Variants in ITGA4 observed in about 807,000 individuals in gnomAD.
ITGA4 encodes the protein integrin alpha-4.
In ITGA4, 63 loss-of-function variants were observed where a neutral mutation model predicts 133.6. The observed-to-expected ratio is 0.47, with a 90% CI of 0.38 to 0.58. The LOEUF (loss-of-function observed/expected upper bound fraction) is 0.58, where lower values mean the gene tolerates loss of function less well. ITGA4 is among the 20% of genes least tolerant of loss of function. The pLI, the probability that ITGA4 is intolerant of heterozygous loss-of-function variation, is 0.00. For missense variants in ITGA4, 1,076 were observed against 1,252.7 expected (o/e 0.86, Z 2.13); for synonymous variants, 483 against 438.0 (o/e 1.10, Z -1.28).
Position 181,501,799 on chromosome 2 carries a change from G to A in ITGA4, c.1695+3022G>A, listed in dbSNP as rs551895630. On this transcript the variant is annotated intron_variant, in intron 15 of 27. Transcript: ENST00000397033. ...GAGTGGAAAATTCTAGAGTTCAGTCGTGGGCCTGCTTAGCTAGAGAGACCT... is the reference window on the plus strand; with the variant it reads ...GAGTGGAAAATTCTAGAGTTCAGTCATGGGCCTGCTTAGCTAGAGAGACCT... 4.6e-5 allele frequency among the ~76,000 whole-genome samples: 7 copies of A among 152,246 alleles called. No individual in the cohort carries two copies. In the South Asian group the frequency reaches 8.3e-4, roughly 18 times the overall value.
chr2:181,474,123 C>G (rs1183553634), intron 2 of ITGA4, among the ~76,000 whole-genome samples: 3 of 152,206 alleles, frequency 2.0e-5, no homozygotes, highest in Admixed American at 6.5e-5. Context: ...GCATCTTACT[C>G]TTCCCCAAAG....
rs924668870 is a variant in ITGA4 at position 181,509,515 on chromosome 2, A to AT, written c.1696-136dup. On this transcript the variant is annotated intron_variant, in intron 15 of 27. Coordinates refer to ENST00000397033, the MANE Select transcript of ITGA4 (RefSeq NM_000885.6). ...GTGATATGAAAAAATATACATCTTC[A>AT]TTTTTTTAACGGTTTAGATAAAAGA... The AT allele has an allele frequency of 5.6e-5, 27 of 482,666 alleles. No individual in the cohort carries two copies. In the East Asian group the frequency reaches 8.3e-4, roughly 15 times the overall value. The allele number at this position is 482,666 out of a possible 1,614,324, so 29.9% of individuals were successfully genotyped here. A position where few individuals can be genotyped will look rare whatever the true frequency, so the allele number is the denominator to read the frequency against.
rs970767764 is a variant in ITGA4 at position 181,531,740 on chromosome 2, T to C, written c.2748T>C (p.His916=). ...KMESGKEASV[H]IQLEGRPSIL... is the part of the protein sequence containing the mutation. ...AAAGTGGAAAAGAAGCCAGTGTTCA[T>C]ATCCAACTGGAAGGCCGGCCATCCA... Residue 916 remains histidine (H), a synonymous_variant, in exon 25 of 28, where the codon CAT becomes CAC. Transcript: ENST00000397033. 8 of 1,603,990 alleles carry C rather than the reference T, an allele frequency of 5.0e-6. No homozygotes were observed. In the African/African-American group the frequency reaches 1.1e-4, roughly 22 times the overall value.
intron 7 of ITGA4, among the ~76,000 whole-genome samples, chr2:181,482,057 T>A (rs1175905361): frequency 2.0e-5 from 3 of 152,222 alleles, no homozygotes; most frequent in Non-Finnish European, 4.4e-5. Flanking sequence ...GCTGTGTCGC[T>A]ATGTGAACAT....
At chr2:181,532,614 C>T (rs569704779) in intron 25 of ITGA4, among the ~76,000 whole-genome samples, 6 of 152,266 alleles carry the variant, frequency 3.9e-5, no homozygotes, top group South Asian at 2.1e-4. Flanking sequence ...TGAGACTTTG[C>T]TGAAGTTGCT....
At chr2:181,492,661 C>T (rs1159601583) in intron 10 of ITGA4, among the ~76,000 whole-genome samples, 3 of 152,078 alleles carry the variant, frequency 2.0e-5, no homozygotes, top group Non-Finnish European at 4.4e-5. Flanking sequence ...CCCTTGGTAT[C>T]ATAGTCTGAC....
intron 4 of ITGA4, among the ~76,000 whole-genome samples, chr2:181,475,636 A>G (rs1397401334): frequency 6.6e-6 from 1 of 152,224 alleles, no homozygotes; most frequent in Non-Finnish European, 1.5e-5. Context: ...GATTAAAAAG[A>G]AAGACTTTAG....
chr2:181,532,247 T>C (rs6760007), intron 25 of ITGA4, among the ~76,000 whole-genome samples: 33,891 of 152,192 alleles, frequency 0.22, 3,908 homozygotes, highest in African/African-American at 0.27. Flanking sequence ...GGCTCTTTTA[T>C]GGTTCCATAG....
intron 10 of ITGA4, among the ~76,000 whole-genome samples, chr2:181,486,940 A>C (rs1407114536): frequency 6.6e-6 from 1 of 152,120 alleles, no homozygotes; most frequent in African/African-American, 2.4e-5. Context: ...TCATCTCCTT[A>C]ATGTCTTCTT....
chr2:181,464,989 T>G (rs1018895792), intron 2 of ITGA4, among the ~76,000 whole-genome samples: 6 of 152,100 alleles, frequency 3.9e-5, no homozygotes, highest in Admixed American at 3.9e-4. Context: ...ACACTATAAT[T>G]CACAAAAATG....
Position 181,538,134 on chromosome 2 carries a change from CTTTATATTAAAATTCTAGT to C in ITGA4, c.*2610_*2628del, listed in dbSNP as rs766312901. ...ACAGGTTTAAAGCATGGCCACATTTCTTTATATTAAAATTCTAGTTTGTACATTTCTTTTAGAAACAATT... is the reference window on the plus strand; with the variant it reads ...ACAGGTTTAAAGCATGGCCACATTTCTTGTACATTTCTTTTAGAAACAATT... On this transcript the variant is annotated 3_prime_UTR_variant, in exon 28 of 28. Transcript: ENST00000397033. The C allele has an allele frequency of 7.8e-7, 1 of 1,277,260 alleles. No homozygotes were observed. The highest frequency in any genetic ancestry group is 2.4e-5 in the East Asian group (1 of 41,842). The allele number at this position is 1,277,260 out of a possible 1,614,324, so 79.1% of individuals were successfully genotyped here. A position where few individuals can be genotyped will look rare whatever the true frequency, so the allele number is the denominator to read the frequency against.
At chr2:181,459,693 C>CAT (rs1258658252) in intron 2 of ITGA4, among the ~76,000 whole-genome samples, 1 of 152,170 alleles carries the variant, frequency 6.6e-6, no homozygotes, top group Non-Finnish European at 1.5e-5. Context: ...TTTTGCAAAG[C>CAT]ATAATTTTCA....
At chr2:181,498,594 A>T (rs1447308603) in intron 14 of ITGA4, 29 bp from the exon 15 acceptor site, 2 of 1,424,704 alleles carry the variant, frequency 1.4e-6, no homozygotes, top group Non-Finnish European at 9.8e-7. Context: ...CAGTAATTAG[A>T]TTAATTGCAA....
chr2:181,498,499 T>A, intron 14 of ITGA4, 124 bp from the exon 15 acceptor site: 1 of 503,710 alleles, frequency 2.0e-6, no homozygotes, highest in East Asian at 3.3e-5. Context: ...AAAAAGCTGT[T>A]TAATAAAGAG....
In ITGA4 at chr2:181,527,171, G is replaced by C. The variant is rs552834264; in HGVS notation, c.2340-126G>C. ...TTCTTTTTAAATAAAATGTATATCT[G>C]ACCACAAAACCAAAAGTATTCCATG... On this transcript the variant is annotated intron_variant, in intron 21 of 27. Transcript: ENST00000397033. 1.4e-4 allele frequency: 80 copies of C among 568,774 alleles called. 1 individual carries two copies. In the South Asian group the frequency reaches 1.6e-3, roughly 12 times the overall value. The allele number at this position is 568,774 out of a possible 1,614,324, so 35.2% of individuals were successfully genotyped here.
intron 15 of ITGA4, among the ~76,000 whole-genome samples, chr2:181,499,706 G>T (rs969171356): frequency 1.3e-5 from 2 of 152,054 alleles, no homozygotes; most frequent in Non-Finnish European, 2.9e-5. Context: ...CCTATTAGAT[G>T]GTTCAGAGCC....
chr2:181,464,286 C>T (rs1362841276), intron 2 of ITGA4, among the ~76,000 whole-genome samples: 3 of 152,016 alleles, frequency 2.0e-5, no homozygotes, highest in South Asian at 2.1e-4. Context: ...TTAGTAACCT[C>T]GGTAAGACAA....
chr2:181,457,479 C>T lies in ITGA4; in HGVS notation c.-176C>T. 3.3e-6 allele frequency: 2 copies of T among 614,798 alleles called. No homozygotes were observed. Among genetic ancestry groups the T allele is most frequent in the South Asian group, 2.0e-5 (1 of 49,418 alleles). The allele number at this position is 614,798 out of a possible 1,614,324, so 38.1% of individuals were successfully genotyped here. A position where few individuals can be genotyped will look rare whatever the true frequency, so the allele number is the denominator to read the frequency against. Reference sequence around the variant, plus strand: ...GGCATCCCAGGCCGGCCCGAACGCTCCGCCCGCGGTGGGCCGACTTCCCCT... The same window carrying T: ...GGCATCCCAGGCCGGCCCGAACGCTTCGCCCGCGGTGGGCCGACTTCCCCT... On this transcript the variant is annotated 5_prime_UTR_variant, in exon 1 of 28. Coordinates refer to ENST00000397033, the MANE Select transcript of ITGA4 (RefSeq NM_000885.6).
Position 181,495,463 on chromosome 2 carries a change from T to TA in ITGA4, c.1385+51dup, listed in dbSNP as rs775847398. 2 of 1,344,646 alleles carry TA rather than the reference T, an allele frequency of 1.5e-6. No homozygotes were observed. Among genetic ancestry groups the TA allele is most frequent in the African/African-American group, 2.9e-5 (2 of 69,654 alleles). The allele number at this position is 1,344,646 out of a possible 1,614,324, so 83.3% of individuals were successfully genotyped here. ...GCTTAATTGCAATTTGGTTTAATTG[T>TA]AAAATGATGGGAGGTGGTGTTTAAA... is the stretch of plus-strand genomic sequence containing the variant. On this transcript the variant is annotated intron_variant, in intron 13 of 27. Coordinates refer to ENST00000397033, the MANE Select transcript of ITGA4 (RefSeq NM_000885.6). The surrounding 1 kb of genome is among the most constrained non-coding windows in gnomAD (Gnocchi z 4.3).
Sources: allele counts gnomAD v4.1 joint callset (sites outside exome capture counted in the v4.1 genomes callset), GRCh38; gene constraint gnomAD v4.1.1; non-coding constraint Gnocchi (gnomAD v3.1); transcripts MANE v1.5; gene names NCBI Gene and HGNC (gene_info 2026-07-23, HGNC 2026-07-21).